The following TMPRSS7 variants were observed in gnomAD, a reference collection of about 807,000 sequenced individuals.
The protein encoded by TMPRSS7 is transmembrane protease serine 7.
A neutral mutation model predicts 95.6 loss-of-function variants in TMPRSS7; 81 were observed. The ratio of observed to expected loss-of-function variants is 0.85; its 90% confidence interval spans 0.71 to 1.02. The LOEUF (loss-of-function observed/expected upper bound fraction) is 1.02. Ranked by LOEUF, TMPRSS7 falls within the 50% of genes least tolerant of loss-of-function variation. The pLI, the probability that TMPRSS7 is intolerant of heterozygous loss-of-function variation, is 0.00. For missense variants in TMPRSS7, 945 were observed against 955.2 expected, an observed-to-expected ratio of 0.99 and a Z score of 0.14; for synonymous variants, 364 against 337.8, an observed-to-expected ratio of 1.08 and a Z score of -0.85.
intron 10 of TMPRSS7, among the ~76,000 whole-genome samples, chr3:112,058,962 C>T (rs1055938082): frequency 6.6e-6 from 1 of 152,196 alleles, no homozygotes; most frequent in Non-Finnish European, 1.5e-5. Context: ...AAGTACTTTT[C>T]ATCTAAAAAG....
chr3:112,052,153 C>T (rs759009193), intron 9 of TMPRSS7, among the ~76,000 whole-genome samples: 5 of 151,562 alleles, frequency 3.3e-5, no homozygotes, highest in Non-Finnish European at 5.9e-5. Context: ...GGCTCTATAG[C>T]CTGAGTTGGG....
At chr3:112,081,181 C>G (rs1033845333), downstream of TMPRSS7, 20 of 1,274,304 alleles carry the variant, frequency 1.6e-5, no homozygotes, top group Non-Finnish European at 2.0e-5. Context: ...ACCTGTAATC[C>G]CAGCACGTTG....
At chr3:112,069,248 T>C (rs1207183138) in intron 13 of TMPRSS7, among the ~76,000 whole-genome samples, 4 of 152,224 alleles carry the variant, frequency 2.6e-5, no homozygotes, top group Admixed American at 2.6e-4. Context: ...TGAGGATTTT[T>C]GCATCAATGT....
chr3:112,035,125 C>T (rs1220271591), intron 1 of TMPRSS7, among the ~76,000 whole-genome samples: 2 of 152,198 alleles, frequency 1.3e-5, no homozygotes, highest in African/African-American at 4.8e-5. Flanking sequence ...CTGATCTCTA[C>T]ACAAATTCCA....
At chr3:112,070,113 G>T (rs113568273) in intron 13 of TMPRSS7, among the ~76,000 whole-genome samples, 4,562 of 152,220 alleles carry the variant, frequency 0.03, 194 homozygotes, top group African/African-American at 0.088. Flanking sequence ...AGCAGGTTAT[G>T]CAGTTTCCAT....
rs1292589793 is a variant in TMPRSS7 at position 112,048,083 on chromosome 3, G to A, written c.959+116G>A. ...AAACAGTTTTTGTGTGCACACATGA[G>A]GTCAATGGCTGACCCGTGCCCTATT... On this transcript the variant is annotated intron_variant, in intron 7 of 17. Transcript: ENST00000452346. 5 of 867,354 alleles carry A rather than the reference G, an allele frequency of 5.8e-6. No homozygotes were observed. In the Admixed American group the frequency reaches 9.5e-5, roughly 16 times the overall value. The allele number at this position is 867,354 out of a possible 1,614,324, so 53.7% of individuals were successfully genotyped here.
intron 12 of TMPRSS7, among the ~76,000 whole-genome samples, chr3:112,065,246 T>C (rs1206489050): frequency 6.6e-6 from 1 of 152,144 alleles, no homozygotes; most frequent in Non-Finnish European, 1.5e-5. Flanking sequence ...CTCACTGTGT[T>C]GCCCAAGCCA....
chr3:112,066,425 T>C (rs763960498), exon 13 of TMPRSS7: 12 of 1,613,936 alleles, frequency 7.4e-6, no homozygotes, highest in African/African-American at 2.7e-5. Context: ...ACCAGCTCCT[T>C]CAGGCAGCAT....
intron 16 of TMPRSS7, among the ~76,000 whole-genome samples, chr3:112,078,211 T>C (rs1435116641): frequency 3.3e-5 from 5 of 152,228 alleles, no homozygotes; most frequent in South Asian, 2.1e-4. Context: ...GAGAAAAGCA[T>C]CTGCCCAACC....
In TMPRSS7 at chr3:112,080,527, C is replaced by CACTACT. The variant is rs34943450; in HGVS notation, c.2362-372_2362-367dup. Among the ~76,000 whole-genome samples, 158 of 146,034 alleles carry CACTACT rather than the reference C, an allele frequency of 1.1e-3. No individual in the cohort carries two copies. The East Asian group carries it at 0.018, about 17-fold the overall frequency. On this transcript the variant is annotated intron_variant, in intron 17 of 17. Transcript: ENST00000452346. ...CTAGCACTAAATAAATTTTAGCCCT[C>CACTACT]ACTACTACTACTACTACTACCACCA...
chr3:112,076,979 A>T (rs772959922), exon 16 of TMPRSS7: 2 of 1,614,160 alleles, frequency 1.2e-6, no homozygotes, highest in Non-Finnish European at 1.7e-6. Flanking sequence ...CGAGTACTAT[A>T]ACAGTCAGAC....
chr3:112,079,483 A>G (rs1025553038), intron 17 of TMPRSS7, among the ~76,000 whole-genome samples: 1 of 152,254 alleles, frequency 6.6e-6, no homozygotes, highest in African/African-American at 2.4e-5. Context: ...CTTTGAATGC[A>G]GCCCAACACA....
At chr3:112,068,247 A>T (rs148405694) in intron 13 of TMPRSS7, among the ~76,000 whole-genome samples, 2,786 of 152,214 alleles carry the variant, frequency 0.018, 76 homozygotes, top group African/African-American at 0.063. Flanking sequence ...ATAATTTGAA[A>T]TCAGGTAGCG....
rs1016284642 is a variant in TMPRSS7 at position 112,061,692 on chromosome 3, A to G, written c.1311-95A>G. 2.8e-5 allele frequency: 40 copies of G among 1,406,278 alleles called. No individual in the cohort carries two copies. In the African/African-American group the frequency reaches 4.8e-4, roughly 17 times the overall value. 87.1% of individuals were successfully genotyped at this position (1,406,278 alleles called of 1,614,324 possible). On this transcript the variant is annotated intron_variant, in intron 10 of 17. Transcript: ENST00000452346. Reference sequence around the variant, plus strand: ...ACCATACGCATCTCTGTTTGTGAAAACCAAATGACCAAAGTATTAGAGAAT... The same window carrying G: ...ACCATACGCATCTCTGTTTGTGAAAGCCAAATGACCAAAGTATTAGAGAAT...
chr3:112,072,980 G>C (rs1203520062), intron 13 of TMPRSS7, among the ~76,000 whole-genome samples: 1 of 152,100 alleles, frequency 6.6e-6, no homozygotes, highest in African/African-American at 2.4e-5. Context: ...AGATCCCTGA[G>C]GAATCACCAT....
chr3:112,049,710 TG>T (rs2073322182), intron 7 of TMPRSS7, 133 bp from the exon 8 acceptor site: 5 of 668,214 alleles, frequency 7.5e-6, no homozygotes, highest in Non-Finnish European at 1.2e-5. Context: ...AGGATCTGGC[TG>T]GGAGAGATTC....
rs549207573 is a variant in TMPRSS7 at position 112,067,249 on chromosome 3, G to T, written c.1666+747G>T. On this transcript the variant is annotated intron_variant, in intron 13 of 17. Coordinates refer to ENST00000452346, the Ensembl canonical transcript of TMPRSS7. Reference sequence around the variant, plus strand: ...TATCATTGATGGACGTTTGGGTTGGGTCCAAGTCTTTGCTATTGTGAATAG... The same window carrying T: ...TATCATTGATGGACGTTTGGGTTGGTTCCAAGTCTTTGCTATTGTGAATAG... Among the ~76,000 whole-genome samples, 4 of 152,250 alleles carry T rather than the reference G, an allele frequency of 2.6e-5. No homozygotes were observed. The East Asian group carries it at 7.7e-4, about 29-fold the overall frequency.
At chr3:112,081,218 G>A, downstream of TMPRSS7, 1 of 638,740 alleles carries the variant, frequency 1.6e-6, no homozygotes, top group Non-Finnish European at 2.4e-6. Flanking sequence ...AGATCACGAG[G>A]TCAGGAGGTC....
At chr3:112,057,789 G>T (rs531581367) in intron 10 of TMPRSS7, among the ~76,000 whole-genome samples, 2 of 152,010 alleles carry the variant, frequency 1.3e-5, no homozygotes, top group Non-Finnish European at 2.9e-5. Flanking sequence ...GCTGTGGTGC[G>T]ATCTTGGCTC....
Sources: gnomAD v4.1 joint callset for allele counts (sites outside exome capture counted in the v4.1 genomes callset) on GRCh38, gnomAD v4.1.1 for gene constraint, MANE v1.5 for transcripts, NCBI Gene and HGNC (gene_info 2026-07-23, HGNC 2026-07-21) for gene names.